The following CRB1 variants were observed in gnomAD, a reference collection of about 807,000 sequenced individuals.
CRB1 encodes the protein protein crumbs homolog 1.
Under a neutral mutation model 120.0 loss-of-function variants are expected in CRB1, and 83 were observed. The ratio of observed to expected loss-of-function variants is 0.69; its 90% confidence interval spans 0.58 to 0.83. CRB1 has a LOEUF of 0.83. CRB1 is among the 40% of genes least tolerant of loss of function. The pLI is 0.00. For synonymous variants in CRB1, 625 were observed against 612.5 expected (o/e 1.02, Z -0.30); for missense variants, 1,699 against 1,687.6 (o/e 1.01, Z -0.12).
intron 5 of CRB1, among the ~76,000 whole-genome samples, chr1:197,417,526 G>A (rs750163161): frequency 6.6e-5 from 10 of 152,122 alleles, no homozygotes; most frequent in Admixed American, 2.0e-4. Context: ...AGGAGTAAAC[G>A]TCAGTAAACC....
chr1:197,409,723 G>A (rs549763138), intron 5 of CRB1, among the ~76,000 whole-genome samples: 12 of 152,158 alleles, frequency 7.9e-5, no homozygotes, highest in African/African-American at 2.9e-4. Flanking sequence ...TGATTAAATG[G>A]CCACATAAAT....
Position 197,383,044 on chromosome 1 carries a change from C to G in CRB1, c.1171+26031C>G, listed in dbSNP as rs1256765315. Among the ~76,000 whole-genome samples, 4 of 152,098 alleles carry G rather than the reference C, an allele frequency of 2.6e-5. No homozygotes were observed. In the East Asian group the frequency reaches 7.7e-4, roughly 29 times the overall value. On this transcript the variant is annotated intron_variant, in intron 5 of 11. Transcript: ENST00000367400. ...ATCATAGGTTAAAATTATTTGTCCT[C>G]TACTTTTGGTGCAGAATTCTGGACT...
At chr1:197,220,116 T>A in the CRB1 span, among the ~76,000 whole-genome samples, 9 of 152,270 alleles carry the variant, frequency 5.9e-5, no homozygotes, top group Admixed American at 5.9e-4. Flanking sequence ...TTATTCTCCT[T>A]TGTGGGTCTG....
chr1:197,380,201 G>A (rs929887334), intron 5 of CRB1, among the ~76,000 whole-genome samples: 4 of 152,160 alleles, frequency 2.6e-5, no homozygotes, highest in African/African-American at 9.7e-5. Flanking sequence ...ATTATCAAAA[G>A]TTTTGGCAAA....
the CRB1 span, among the ~76,000 whole-genome samples, chr1:197,261,239 A>G: frequency 6.6e-6 from 1 of 152,180 alleles, no homozygotes; most frequent in East Asian, 1.9e-4. Context: ...AAATTTCTGT[A>G]TTTGCCTAAG....
intron 11 of CRB1, among the ~76,000 whole-genome samples, chr1:197,463,755 T>C (rs1666632176): frequency 6.6e-6 from 1 of 152,210 alleles, no homozygotes; most frequent in African/African-American, 2.4e-5. Context: ...CCTCAGCTTG[T>C]AGTTACTTTT....
chr1:197,255,996 T>TATATATATATATATACAC, the CRB1 span, among the ~76,000 whole-genome samples: 6 of 116,710 alleles, frequency 5.1e-5, no homozygotes, highest in East Asian at 3.9e-4. Context: ...TATATATATA[T>TATATATATATATATACAC]ACACTACAAT....
rs1388065882 is a variant in CRB1 at position 197,435,221 on chromosome 1, C to A, written c.3358C>A (p.Pro1120Thr). 1.2e-6 allele frequency: 2 copies of A among 1,613,754 alleles called. No homozygotes were observed. Among genetic ancestry groups the A allele is most frequent in the East Asian group, 2.2e-5 (1 of 44,890 alleles). Reference sequence around the variant, plus strand: ...AAATGTTCATGGTTTCATTAATAAACCTCAGGAAGAGCAATTTCTCAAAAT... The same window carrying A: ...AAATGTTCATGGTTTCATTAATAAAACTCAGGAAGAGCAATTTCTCAAAAT... ...FENVHGFINK[P>T]QEEQFLKIST... The change falls in exon 9 of 12, where the codon CCT (proline) becomes ACT (threonine). Residue 1120 changes from proline to threonine, a missense_variant. Transcript: ENST00000367400.
intron 1 of CRB1, among the ~76,000 whole-genome samples, chr1:197,310,942 T>TCTCCCATGGA (rs1411598451): frequency 6.6e-6 from 1 of 152,166 alleles, no homozygotes; most frequent in African/African-American, 2.4e-5. Context: ...AAGACACTAA[T>TCTCCCATGGA]GAATATTTTG....
At chr1:197,406,404 C>G (rs1308788159) in intron 5 of CRB1, among the ~76,000 whole-genome samples, 3 of 152,108 alleles carry the variant, frequency 2.0e-5, no homozygotes, top group Non-Finnish European at 4.4e-5. Flanking sequence ...CATCACCACT[C>G]CTTAATCTCA....
At chr1:197,451,934 G>A (rs1217054105) in intron 11 of CRB1, among the ~76,000 whole-genome samples, 1 of 152,092 alleles carries the variant, frequency 6.6e-6, no homozygotes, top group Non-Finnish European at 1.5e-5. Flanking sequence ...GCAAATATTT[G>A]ACATTTTGAC....
the CRB1 span, among the ~76,000 whole-genome samples, chr1:197,262,007 G>A: frequency 6.6e-6 from 1 of 152,046 alleles, no homozygotes; most frequent in Non-Finnish European, 1.5e-5. Context: ...TGAATATCAG[G>A]GAACTGGGAG....
At chr1:197,346,881 A>G (rs182508312) in intron 3 of CRB1, among the ~76,000 whole-genome samples, 27 of 152,334 alleles carry the variant, frequency 1.8e-4, no homozygotes. Flanking sequence ...CACTTTTCAT[A>G]TGGAACCTTA....
chr1:197,416,387 C>T (rs770332297), intron 5 of CRB1, among the ~76,000 whole-genome samples: 10 of 152,234 alleles, frequency 6.6e-5, no homozygotes, highest in African/African-American at 4.8e-5. Flanking sequence ...CATATATTAT[C>T]GACATCTGCT....
intron 5 of CRB1, among the ~76,000 whole-genome samples, chr1:197,359,046 A>G (rs1261400492): frequency 6.6e-6 from 1 of 152,188 alleles, no homozygotes; most frequent in Non-Finnish European, 1.5e-5. Context: ...ATAACTTTTT[A>G]AATGATAATA....
At chr1:197,394,044 C>T (rs1203980394) in intron 5 of CRB1, among the ~76,000 whole-genome samples, 1 of 152,026 alleles carries the variant, frequency 6.6e-6, no homozygotes, top group East Asian at 1.9e-4. Flanking sequence ...GACCCTAGAA[C>T]AACATGGGTT....
intron 1 of CRB1, among the ~76,000 whole-genome samples, chr1:197,297,048 A>G (rs924421181): frequency 1.3e-4 from 19 of 151,980 alleles, no homozygotes; most frequent in African/African-American, 1.9e-4. Context: ...CTCTAGTCCT[A>G]TTAGGTGAGT....
chr1:197,403,468 C>T lies in CRB1; in HGVS notation c.1172-17532C>T, dbSNP rs538666030. ...TCTTTAGGTAGAGACATCAGGGGGACGTGAATGAGGAAGCATGTAGATAGA... is the reference window on the plus strand; with the variant it reads ...TCTTTAGGTAGAGACATCAGGGGGATGTGAATGAGGAAGCATGTAGATAGA... On this transcript the variant is annotated intron_variant, in intron 5 of 11. Transcript: ENST00000367400. 2.4e-4 allele frequency among the ~76,000 whole-genome samples: 36 copies of T among 152,156 alleles called. No homozygotes were observed. The South Asian group carries it at 2.7e-3, about 11-fold the overall frequency.
intron 1 of CRB1, among the ~76,000 whole-genome samples, chr1:197,275,644 G>C (rs1269327473): frequency 6.6e-6 from 1 of 151,942 alleles, no homozygotes; most frequent in Non-Finnish European, 1.5e-5. Flanking sequence ...AATTAACTTA[G>C]AGTCTGATCA....
Sources: allele counts gnomAD v4.1 joint callset (sites outside exome capture counted in the v4.1 genomes callset), GRCh38; gene constraint gnomAD v4.1.1; transcripts MANE v1.5; gene names NCBI Gene and HGNC (gene_info 2026-07-23, HGNC 2026-07-21).